The following CX3CR1 variants were observed in gnomAD, a reference collection of about 807,000 sequenced individuals.
The protein encoded by CX3CR1 is CX3C chemokine receptor 1.
For synonymous variants in CX3CR1, 168 were observed against 178.5 expected (o/e 0.94, Z 0.47); for missense variants, 363 against 432.4 (o/e 0.84, Z 1.42).
intron 1 of CX3CR1, among the ~76,000 whole-genome samples, chr3:39,268,468 C>G (rs1000377638): frequency 1.3e-5 from 2 of 152,196 alleles, no homozygotes; most frequent in African/African-American, 4.8e-5. Context: ...CAGCTTGTCA[C>G]AGAGCATGAT....
chr3:39,274,054 C>T (rs992914946), intron 1 of CX3CR1, among the ~76,000 whole-genome samples: 10 of 152,176 alleles, frequency 6.6e-5, no homozygotes, highest in African/African-American at 2.4e-4. Flanking sequence ...GGGGCACAGC[C>T]TGTGAGCATT....
rs775195285 is a variant in CX3CR1 at position 39,265,402 on chromosome 3, A to G, written c.*40T>C. 2.6e-6 allele frequency: 4 copies of G among 1,541,160 alleles called. No individual in the cohort carries two copies. In the East Asian group the frequency reaches 9.0e-5, roughly 35 times the overall value. ...TCACTAGTCAGCATCAGGTTCAGGA[A>G]CTCCAGGTTCTCTGTAGACACAAGG... On this transcript the variant is annotated 3_prime_UTR_variant, in exon 2 of 2. Transcript: ENST00000399220.
intron 1 of CX3CR1, among the ~76,000 whole-genome samples, chr3:39,268,139 T>C (rs2040727777): frequency 6.6e-6 from 1 of 152,176 alleles, no homozygotes; most frequent in African/African-American, 2.4e-5. Context: ...CCAGGGTGTG[T>C]CACTTCTCGC....
intron 1 of CX3CR1, among the ~76,000 whole-genome samples, chr3:39,272,344 C>A (rs1173641595): frequency 6.6e-6 from 1 of 152,198 alleles, no homozygotes; most frequent in Non-Finnish European, 1.5e-5. Flanking sequence ...ATGTTTCACA[C>A]CCAAGTAGAA....
chr3:39,280,358 C>T (rs1427732011), upstream of CX3CR1: 6 of 985,382 alleles, frequency 6.1e-6, no homozygotes, highest in Non-Finnish European at 7.2e-6. Context: ...CTCATGGGGC[C>T]CTCAGCTTCC....
chr3:39,284,186 T>TTTG (rs2040929651), upstream of CX3CR1, among the ~76,000 whole-genome samples: 1 of 151,612 alleles, frequency 6.6e-6, no homozygotes, highest in Non-Finnish European at 1.5e-5. Context: ...AGTTTTTTTT[T>TTTG]TTTGTTTGTT....
Position 39,265,972 on chromosome 3 carries a change from G to T in CX3CR1, c.538C>A (p.Pro180Thr), listed in dbSNP as rs1448635296. 1 of 1,614,148 alleles carries T rather than the reference G, an allele frequency of 6.2e-7. No individual in the cohort carries two copies. The highest frequency in any genetic ancestry group is 1.7e-5 in the Admixed American group (1 of 60,018). The change falls in exon 2 of 2, where the codon CCC becomes ACC. Residue 180 changes from proline (P) to threonine (T), a missense_variant. Physicochemically the swap from Pro to Thr is conservative, Grantham distance 38. Transcript: ENST00000399220. ...QKENECLGDYPEVLQEIWPVL... is the reference protein window; with the variant it reads ...QKENECLGDYTEVLQEIWPVL... Reference sequence around the variant, plus strand: ...GGCCAGATTTCCTGGAGGACCTCGGGGTAGTCACCAAGGCATTCATTTTCT... The same window carrying T: ...GGCCAGATTTCCTGGAGGACCTCGGTGTAGTCACCAAGGCATTCATTTTCT...
intron 1 of CX3CR1, among the ~76,000 whole-genome samples, chr3:39,275,060 C>T (rs1341117055): frequency 6.6e-6 from 1 of 152,148 alleles, no homozygotes; most frequent in Non-Finnish European, 1.5e-5. Context: ...CAAGGTTTCA[C>T]CATGTTGGCC....
upstream of CX3CR1, chr3:39,281,575 T>A: frequency 6.3e-7 from 1 of 1,575,622 alleles, no homozygotes; most frequent in Non-Finnish European, 8.6e-7. Flanking sequence ...CCATCTAACC[T>A]TCTCCGTTCT....
At chr3:39,281,499 T>C, upstream of CX3CR1, 1 of 970,864 alleles carries the variant, frequency 1.0e-6, no homozygotes. Flanking sequence ...CCCACATCAG[T>C]AATCCCCTCC....
At chr3:39,288,520 C>T in the CX3CR1 span, among the ~76,000 whole-genome samples, 1 of 152,024 alleles carries the variant, frequency 6.6e-6, no homozygotes, top group Non-Finnish European at 1.5e-5. Context: ...CCTGGTGTCT[C>T]TGGCTCTCAC....
upstream of CX3CR1, chr3:39,281,009 G>T: frequency 1.1e-6 from 1 of 892,524 alleles, no homozygotes; most frequent in Middle Eastern, 5.7e-4. Context: ...GCCCCTTGCT[G>T]CCCACATCCC....
chr3:39,266,721 G>C, intron 1 of CX3CR1: 2 of 758,734 alleles, frequency 2.6e-6, no homozygotes, highest in East Asian at 2.5e-5. Flanking sequence ...TCTGACAGGA[G>C]AGGCGGACTC....
At chr3:39,267,556 G>C (rs1276559540) in intron 1 of CX3CR1, among the ~76,000 whole-genome samples, 1 of 152,142 alleles carries the variant, frequency 6.6e-6, no homozygotes, top group African/African-American at 2.4e-5. Context: ...AGCCCTGAAA[G>C]TCCCATCTAT....
intron 1 of CX3CR1, among the ~76,000 whole-genome samples, chr3:39,272,918 A>G (rs773249290): frequency 1.3e-5 from 2 of 152,190 alleles, no homozygotes; most frequent in Non-Finnish European, 2.9e-5. Context: ...TCCACACACA[A>G]GATCCCACCA....
chr3:39,284,184 T>C (rs2040929542), upstream of CX3CR1, among the ~76,000 whole-genome samples: 1 of 152,000 alleles, frequency 6.6e-6, no homozygotes, highest in Non-Finnish European at 1.5e-5. Flanking sequence ...TAAGTTTTTT[T>C]TTTTTGTTTG....
At chr3:39,278,437 G>T (rs1407737472) in intron 1 of CX3CR1, among the ~76,000 whole-genome samples, 1 of 152,034 alleles carries the variant, frequency 6.6e-6, no homozygotes, top group Non-Finnish European at 1.5e-5. Context: ...ACCCACAGTG[G>T]TCCTCAAGGC....
chr3:39,272,652 G>A (rs1398870914), intron 1 of CX3CR1, among the ~76,000 whole-genome samples: 1 of 152,108 alleles, frequency 6.6e-6, no homozygotes, highest in Admixed American at 6.5e-5. Flanking sequence ...TTACCCTCCT[G>A]GTCTCTGTTT....
the CX3CR1 span, chr3:39,287,732 A>G: frequency 6.6e-6 from 1 of 152,192 alleles, no homozygotes; most frequent in Non-Finnish European, 1.5e-5. Flanking sequence ...TAAATCTACA[A>G]TGTTGAGTTA....
Sources: allele counts gnomAD v4.1 joint callset (sites outside exome capture counted in the v4.1 genomes callset), GRCh38; gene constraint gnomAD v4.1.1; transcripts MANE v1.5; gene names NCBI Gene and HGNC (gene_info 2026-07-23, HGNC 2026-07-21).